CRAMP1: variants seen among roughly 807,000 people sequenced by gnomAD.
The protein encoded by CRAMP1 is cramped chromatin regulator 1, also known as protein cramped-like.
CRAMP1 carries 50 observed loss-of-function variants against 115.4 expected under a neutral mutation model. That is an observed-to-expected ratio of 0.43 (90% CI 0.35 to 0.55). CRAMP1 has a LOEUF of 0.55. CRAMP1 is among the 20% of genes least tolerant of loss of function. The pLI, the probability that CRAMP1 is intolerant of heterozygous loss-of-function variation, is 0.01. For missense variants in CRAMP1, 1,679 were observed against 1,721.7 expected (o/e 0.98, Z 0.44); for synonymous variants, 866 against 745.4 (o/e 1.16, Z -2.64).
At chr16:1,640,082 C>G (rs921289368) in intron 5 of CRAMP1, among the ~76,000 whole-genome samples, 1 of 152,190 alleles carries the variant, frequency 6.6e-6, no homozygotes, top group Non-Finnish European at 1.5e-5. Flanking sequence ...CCTCGCCTGG[C>G]GACAAGAGCC....
At position 1,672,810 on chromosome 16, in the gene CRAMP1, TC is replaced by T. The variant is rs1193107745; in HGVS notation, c.3646-1068del. 6.6e-6 allele frequency among the ~76,000 whole-genome samples: 1 copy of T among 152,186 alleles called. No individual in the cohort carries two copies. The highest frequency in any genetic ancestry group is 1.5e-5 in the Non-Finnish European group (1 of 68,026). On this transcript the variant is annotated intron_variant, in intron 20 of 20. Transcript: ENST00000397412. The surrounding 1 kb of genome is among the most constrained non-coding windows in gnomAD (Gnocchi z 4.9). Reference sequence around the variant, plus strand: ...CTACGTATTTGCTCATGGGACAAGATCCCGGTGCCGAGGCCCTCCCGTCCTC... The same window carrying T: ...CTACGTATTTGCTCATGGGACAAGATCCGGTGCCGAGGCCCTCCCGTCCTC...
At chr16:1,624,241 C>G (rs2036489511) in intron 2 of CRAMP1, among the ~76,000 whole-genome samples, 2 of 151,748 alleles carry the variant, frequency 1.3e-5, no homozygotes, top group Non-Finnish European at 2.9e-5. Context: ...CAACCTCCAC[C>G]TCCAAATTTG....
At position 1,669,556 on chromosome 16, in the gene CRAMP1, T is replaced by G. The variant is rs537760175; in HGVS notation, c.3499+391T>G. ...TCTTGGCACTCTCTTGGCTCTTCTC[T>G]TTCTGTGGTCAGTAAGGTATTCAGA... On this transcript the variant is annotated intron_variant, in intron 19 of 20. Transcript: ENST00000397412. This position sits in a 1 kb window ranked among gnomAD's most constrained non-coding sequence, Gnocchi z 4.6. 6.6e-6 allele frequency among the ~76,000 whole-genome samples: 1 copy of G among 152,288 alleles called. No homozygotes were observed. The highest frequency in any genetic ancestry group is 2.1e-4 in the South Asian group (1 of 4,816).
In CRAMP1 at chr16:1,667,381, C is replaced by T. The variant is rs748076246; in HGVS notation, c.3083C>T (p.Pro1028Leu). ...ATCCCTTCGAGGCCTGAGCAGGAGC[C>T]AGTGGCAGACAGTTTCCAGGTAGAG... ...VSIPSRPEQE[P>L]VADSFQGSSV... Residue 1028 changes from proline to leucine, a missense_variant, in exon 17 of 21, where the codon CCA (proline) becomes CTA (leucine). Pro to Leu is a moderately conservative substitution (Grantham distance 98). Around this residue, in one of 8 missense-constraint regions of CRAMP1, gnomAD observed 709 missense variants for 741.9 expected, o/e 0.96. Coordinates refer to ENST00000397412, the MANE Select transcript of CRAMP1 (RefSeq NM_020825.4). 14 of 1,612,824 alleles carry T rather than the reference C, an allele frequency of 8.7e-6. No homozygotes were observed. The highest frequency in any genetic ancestry group is 1.6e-4 in the Middle Eastern group (1 of 6,084).
intron 13 of CRAMP1, 122 bp from the exon 14 acceptor site, chr16:1,664,935 C>T (rs1327678157): frequency 2.4e-5 from 17 of 710,000 alleles, no homozygotes; most frequent in Non-Finnish European, 3.8e-5. Flanking sequence ...GTCATCGGCT[C>T]TGGAAAAAGC....
intron 3 of CRAMP1, among the ~76,000 whole-genome samples, chr16:1,631,204 C>T (rs1341447053): frequency 3.9e-5 from 6 of 152,182 alleles, no homozygotes; most frequent in Non-Finnish European, 7.4e-5. Flanking sequence ...CTCCCCCACA[C>T]GTGCAGTTAT....
rs746838954 is a variant in CRAMP1 at position 1,674,008 on chromosome 16, G to A, written c.3773G>A (p.Gly1258Asp). Residue 1258 changes from glycine to aspartate, a missense_variant, in exon 21 of 21, where the codon GGT becomes GAT. Physicochemically the swap from Gly to Asp is moderately conservative, Grantham distance 94 (BLOSUM62 -1). This residue lies in a region of CRAMP1 where 709 missense variants were observed against 741.9 expected (regional missense o/e 0.96). Transcript: ENST00000397412. ...CGCCGAGAAGCTCTGTTTGATGGTG[G>A]TGGAGGCGGCCCCGCTGTCAGTGAC... The part of the protein sequence containing the change: ...PGRREALFDG[G>D]GGGPAVSDLS... The A allele has an allele frequency of 6.2e-7, 1 of 1,612,416 alleles. No homozygotes were observed. Among genetic ancestry groups the A allele is most frequent in the East Asian group, 2.2e-5 (1 of 44,886 alleles).
intron 6 of CRAMP1, among the ~76,000 whole-genome samples, chr16:1,644,019 TG>T (rs2036654001): frequency 6.6e-6 from 1 of 152,218 alleles, no homozygotes; most frequent in Admixed American, 6.5e-5. Flanking sequence ...TGGAAAAGAC[TG>T]GGCAGGTGGC....
intron 11 of CRAMP1, among the ~76,000 whole-genome samples, chr16:1,660,934 G>A (rs948475405): frequency 2.0e-5 from 3 of 152,094 alleles, no homozygotes; most frequent in African/African-American, 2.4e-5. Flanking sequence ...ACTTGAACCC[G>A]GAAGGCGGAG....
In CRAMP1 at chr16:1,665,153, C is replaced by G. The variant is rs1240124862; in HGVS notation, c.2752+15C>G. 1.9e-6 allele frequency: 3 copies of G among 1,569,854 alleles called. No individual in the cohort carries two copies. In the Admixed American group the frequency reaches 5.0e-5, roughly 26 times the overall value. On this transcript the variant is annotated intron_variant, in intron 14 of 20. Transcript: ENST00000397412. ...TTCCGTAACTGGTAAGGACCCTGAG[C>G]TTTTCTGGGGTAGCTTGTCCCTCCT...
chr16:1,625,730 TA>T (rs1302662661), intron 2 of CRAMP1: 2 of 437,166 alleles, frequency 4.6e-6, no homozygotes, highest in African/African-American at 4.1e-5. Flanking sequence ...TGGTTCCACA[TA>T]AAATCTTGCT....
chr16:1,674,719 T>A lies in CRAMP1; in HGVS notation c.*674T>A, dbSNP rs2036952945. On this transcript the variant is annotated 3_prime_UTR_variant, in exon 21 of 21. Coordinates refer to ENST00000397412, the MANE Select transcript of CRAMP1 (RefSeq NM_020825.4). ...AGGAAGAGTCCTGTACTATGCAGGT[T>A]GTGTGGACTTTACATGGGACCCTGC... is the stretch of plus-strand genomic sequence containing the variant. The A allele has an allele frequency of 6.6e-6, 1 of 152,392 alleles. No homozygotes were observed. The highest frequency in any genetic ancestry group is 2.4e-5 in the African/African-American group (1 of 41,432). The allele number at this position is 152,392 out of a possible 1,614,324, so 9.4% of individuals were successfully genotyped here.
intron 6 of CRAMP1, among the ~76,000 whole-genome samples, chr16:1,643,295 C>T (rs2036647751): frequency 6.6e-6 from 1 of 152,156 alleles, no homozygotes; most frequent in Admixed American, 6.5e-5. Context: ...GAAATCCCAG[C>T]ACTTTGGGAG....
Position 1,665,051 on chromosome 16 carries a change from C to T in CRAMP1, c.2671-6C>T. The T allele has an allele frequency of 6.2e-7, 1 of 1,601,022 alleles. No individual in the cohort carries two copies. On this transcript the variant is annotated splice_polypyrimidine_tract_variant and splice_region_variant and intron_variant, in intron 13 of 20. Transcript: ENST00000397412. ...TCACCTTGATTGTTGACCATTTTCC[C>T]CACAGAGAACACTGCTCCCTAGACC... is the stretch of plus-strand genomic sequence containing the variant.
intron 5 of CRAMP1, 78 bp from the exon 6 acceptor site, chr16:1,641,061 C>G (rs955087586): frequency 1.0e-6 from 1 of 977,956 alleles, no homozygotes. Context: ...CTATATTGAG[C>G]GGAATTGTAT....
rs1217265203 is a variant in CRAMP1, at chr16:1,614,456, G to GGGGGCGGCGGCGTGGGGGCGGCA, written c.-1-177_-1-155dup. Among the ~76,000 whole-genome samples the GGGGGCGGCGGCGTGGGGGCGGCA allele has an allele frequency of 1.4e-5, 2 of 145,996 alleles. No individual in the cohort carries two copies. Among genetic ancestry groups the GGGGGCGGCGGCGTGGGGGCGGCA allele is most frequent in the African/African-American group, 2.5e-5 (1 of 40,698 alleles). On this transcript the variant is annotated intron_variant, in intron 1 of 20. Coordinates refer to ENST00000397412, the MANE Select transcript of CRAMP1 (RefSeq NM_020825.4). This position sits in a 1 kb window ranked among gnomAD's most constrained non-coding sequence, Gnocchi z 4.4. Reference sequence around the variant, plus strand: ...GGGTCCCGGGCTGGTGGGCAGGGCCGGGGGCGGCGGCGTGGGGGCGGCAGG... The same window carrying GGGGGCGGCGGCGTGGGGGCGGCA: ...GGGTCCCGGGCTGGTGGGCAGGGCCGGGGGCGGCGGCGTGGGGGCGGCAGGGGCGGCGGCGTGGGGGCGGCAGG...
At chr16:1,650,685 CTCTGTTCTG>C (rs1482120232) in intron 6 of CRAMP1, among the ~76,000 whole-genome samples, 2 of 152,210 alleles carry the variant, frequency 1.3e-5, no homozygotes, top group African/African-American at 4.8e-5. Flanking sequence ...TAGAATCACG[CTCTGTTCTG>C]TAGCTTTTTT....
chr16:1,650,372 C>G (rs962108262), intron 6 of CRAMP1, among the ~76,000 whole-genome samples: 1 of 152,220 alleles, frequency 6.6e-6, no homozygotes, highest in Non-Finnish European at 1.5e-5. Flanking sequence ...ACGCAGCACT[C>G]GCTTCAGACT....
intron 2 of CRAMP1, among the ~76,000 whole-genome samples, chr16:1,617,385 C>A (rs542171895): frequency 1.3e-5 from 2 of 152,230 alleles, no homozygotes; most frequent in Non-Finnish European, 2.9e-5. Context: ...TTCCATTACC[C>A]GTCAGAAAAG....
Sources: allele counts gnomAD v4.1 joint callset (sites outside exome capture counted in the v4.1 genomes callset), GRCh38; gene constraint gnomAD v4.1.1; regional missense constraint gnomAD v4.1.1; non-coding constraint Gnocchi (gnomAD v3.1); transcripts MANE v1.5; gene names NCBI Gene and HGNC (gene_info 2026-07-23, HGNC 2026-07-21).